PARD3B: variants seen among roughly 807,000 people sequenced by gnomAD.
PARD3B encodes the protein partitioning defective 3 homolog B.
Under a neutral mutation model 130.2 loss-of-function variants are expected in PARD3B, and 103 were observed. The observed-to-expected ratio is 0.79, with a 90% CI of 0.67 to 0.93. PARD3B has a LOEUF of 0.93. Among genes scored for constraint, PARD3B ranks in the 40% least tolerant of loss-of-function variants. PARD3B has a pLI of 0.00. For synonymous variants in PARD3B, 583 were observed against 553.2 expected, an observed-to-expected ratio of 1.05 and a Z score of -0.76; for missense variants, 1,609 against 1,499.2, an observed-to-expected ratio of 1.07 and a Z score of -1.21.
rs2105816316 is a variant in PARD3B, at chr2:205,619,357, T to A, written c.*3544T>A. 1 of 152,174 alleles carries A rather than the reference T, an allele frequency of 6.6e-6. No homozygotes were observed. The highest frequency in any genetic ancestry group is 2.4e-5 in the African/African-American group (1 of 41,522). The allele number at this position is 152,174 out of a possible 1,614,324, so 9.4% of individuals were successfully genotyped here. A position where few individuals can be genotyped will look rare whatever the true frequency, so the allele number is the denominator to read the frequency against. On this transcript the variant is annotated 3_prime_UTR_variant, in exon 23 of 23. Coordinates refer to ENST00000406610, the MANE Select transcript of PARD3B (RefSeq NM_001302769.2). ...CAGGAGGGTCGAGAGATCTAAAGAG[T>A]TTGGTCTGAATGTGTGTCTGTACAA...
chr2:204,662,238 A>C (rs1050525306), intron 1 of PARD3B, among the ~76,000 whole-genome samples: 1 of 152,194 alleles, frequency 6.6e-6, no homozygotes, highest in East Asian at 1.9e-4. Flanking sequence ...GCATTTATTA[A>C]TATTACCACT....
At chr2:205,559,596 CTTT>C (rs11319522) in intron 22 of PARD3B, among the ~76,000 whole-genome samples, 15 of 72,822 alleles carry the variant, frequency 2.1e-4, no homozygotes, top group Admixed American at 7.8e-4. Context: ...GAAGTCCAGA[CTTT>C]TTTTTTTTTT....
At chr2:205,570,508 G>A (rs561741446) in intron 22 of PARD3B, among the ~76,000 whole-genome samples, 30 of 152,172 alleles carry the variant, frequency 2.0e-4, no homozygotes, top group Middle Eastern at 3.4e-3. Flanking sequence ...AATAGTTTTC[G>A]CAAGAAACCT....
chr2:204,969,464 G>A (rs960600251), intron 3 of PARD3B, among the ~76,000 whole-genome samples: 1 of 152,142 alleles, frequency 6.6e-6, no homozygotes, highest in Non-Finnish European at 1.5e-5. Context: ...CTCAAAAGAT[G>A]TATGCATGCC....
At chr2:205,499,677 A>G (rs923101357) in intron 20 of PARD3B, among the ~76,000 whole-genome samples, 3 of 152,178 alleles carry the variant, frequency 2.0e-5, no homozygotes, top group African/African-American at 4.8e-5. Flanking sequence ...GCATTTATTC[A>G]TCCCAAGTCA....
At chr2:204,595,023 G>T (rs985463587) in intron 1 of PARD3B, among the ~76,000 whole-genome samples, 2 of 152,120 alleles carry the variant, frequency 1.3e-5, no homozygotes, top group African/African-American at 4.8e-5. Flanking sequence ...ACTTTATAAA[G>T]TAGACCCTCT....
At chr2:204,778,259 T>A (rs2041710985) in intron 2 of PARD3B, among the ~76,000 whole-genome samples, 1 of 152,150 alleles carries the variant, frequency 6.6e-6, no homozygotes, top group South Asian at 2.1e-4. Context: ...GATGTTATCA[T>A]GTGGTCATTT....
chr2:205,166,545 T>C (rs2034830443), intron 11 of PARD3B, among the ~76,000 whole-genome samples: 1 of 152,246 alleles, frequency 6.6e-6, no homozygotes, highest in African/African-American at 2.4e-5. Context: ...AACTGTACTT[T>C]AAAAATCTTG....
chr2:204,814,165 G>A (rs1477862177), intron 2 of PARD3B, among the ~76,000 whole-genome samples: 2 of 151,808 alleles, frequency 1.3e-5, no homozygotes, highest in East Asian at 3.9e-4. Context: ...TTAGTGTATA[G>A]ATCTTTGTTA....
At chr2:204,559,886 C>T (rs1324060342) in intron 1 of PARD3B, among the ~76,000 whole-genome samples, 3 of 152,148 alleles carry the variant, frequency 2.0e-5, no homozygotes, top group African/African-American at 7.2e-5. Context: ...CTATTCTTTG[C>T]AGGGACATGA....
chr2:205,561,209 C>T (rs771079115), intron 22 of PARD3B, among the ~76,000 whole-genome samples: 20 of 152,160 alleles, frequency 1.3e-4, no homozygotes, highest in Non-Finnish European at 2.2e-4. Flanking sequence ...CAATGAACTT[C>T]TGCTTCATTC....
intron 18 of PARD3B, among the ~76,000 whole-genome samples, chr2:205,400,633 C>A (rs1024760663): frequency 1.3e-5 from 2 of 150,546 alleles, no homozygotes; most frequent in Non-Finnish European, 3.0e-5. Context: ...CAGAGTGAGA[C>A]GCTGTCTCAA....
chr2:205,141,521 G>C (rs1375403541), intron 10 of PARD3B, among the ~76,000 whole-genome samples: 1 of 152,196 alleles, frequency 6.6e-6, no homozygotes, highest in Non-Finnish European at 1.5e-5. Context: ...GTGAATGACA[G>C]ATTTACTCCA....
At chr2:204,766,502 C>T (rs1445321362) in intron 2 of PARD3B, among the ~76,000 whole-genome samples, 1 of 151,890 alleles carries the variant, frequency 6.6e-6, no homozygotes, top group Non-Finnish European at 1.5e-5. Context: ...TTCTAAATTG[C>T]ACTGTTAAAA....
chr2:204,791,297 A>G (rs1432150781), intron 2 of PARD3B, among the ~76,000 whole-genome samples: 7 of 152,142 alleles, frequency 4.6e-5, no homozygotes, highest in Admixed American at 6.5e-5. Context: ...TTTAGGTCTC[A>G]TTCTCCATAG....
chr2:204,799,050 C>T lies in PARD3B; in HGVS notation c.222+112768C>T, dbSNP rs566512713. On this transcript the variant is annotated intron_variant, in intron 2 of 22. Transcript: ENST00000406610. The surrounding 1 kb of genome is among the most constrained non-coding windows in gnomAD (Gnocchi z 4.1). ...CCTTTACTCACCAGCTCAGCCACAG[C>T]GAAGTGGAGCAGCAAATGGGGACCC... 4.6e-5 allele frequency among the ~76,000 whole-genome samples: 7 copies of T among 152,200 alleles called. No homozygotes were observed. Among genetic ancestry groups the T allele is most frequent in the African/African-American group, 1.2e-4 (5 of 41,548 alleles).
chr2:205,055,449 AAT>A (rs2125437800), intron 4 of PARD3B, among the ~76,000 whole-genome samples: 1 of 152,312 alleles, frequency 6.6e-6, no homozygotes, highest in Non-Finnish European at 1.5e-5. Context: ...TCACTTTCAC[AAT>A]ATGGGCAGAT....
chr2:205,456,794 T>C (rs181220873), intron 20 of PARD3B, among the ~76,000 whole-genome samples: 1 of 150,230 alleles, frequency 6.7e-6, no homozygotes, highest in South Asian at 2.1e-4. Context: ...AATGTAGTCA[T>C]AGTATGTAAC....
At position 205,208,901 on chromosome 2, in the gene PARD3B, T is replaced by C. The variant is rs879660095; in HGVS notation, c.2140+15581T>C. Among the ~76,000 whole-genome samples the C allele has an allele frequency of 1.7e-3, 234 of 136,968 alleles. 6 individuals carry two copies. Among genetic ancestry groups the C allele is most frequent in the Middle Eastern group, 3.6e-3 (1 of 280 alleles). The allele number at this position is 136,968 out of a possible 152,430, so 89.9% of individuals were successfully genotyped here. A position where few individuals can be genotyped will look rare whatever the true frequency, so the allele number is the denominator to read the frequency against. ...GTTCATATGGAACCAAAAAAGAGCC[T>C]GCATCGCCAAGTCAATCCTAAGCCA... On this transcript the variant is annotated intron_variant, in intron 15 of 22. Coordinates refer to ENST00000406610, the MANE Select transcript of PARD3B (RefSeq NM_001302769.2).
Sources: gnomAD v4.1 joint callset for allele counts (sites outside exome capture counted in the v4.1 genomes callset) on GRCh38, gnomAD v4.1.1 for gene constraint, Gnocchi (gnomAD v3.1) non-coding constraint, MANE v1.5 for transcripts, NCBI Gene and HGNC (gene_info 2026-07-23, HGNC 2026-07-21) for gene names.